Variants in MGAT5 observed in about 807,000 individuals in gnomAD.
The protein encoded by MGAT5 is alpha-1,6-mannosylglycoprotein 6-beta-N-acetylglucosaminyltransferase A.
Under a neutral mutation model 94.3 loss-of-function variants are expected in MGAT5, and 30 were observed. That is an observed-to-expected ratio of 0.32 (90% CI 0.24 to 0.43). The LOEUF (loss-of-function observed/expected upper bound fraction) is 0.43, where lower values mean the gene tolerates loss of function less well. Among genes scored for constraint, MGAT5 ranks in the 20% least tolerant of loss-of-function variants. MGAT5 has a pLI of 1.00. For synonymous variants in MGAT5, 310 were observed against 322.9 expected, an observed-to-expected ratio of 0.96 and a Z score of 0.43; for missense variants, 691 against 905.5, an observed-to-expected ratio of 0.76 and a Z score of 3.04.
intron 1 of MGAT5, among the ~76,000 whole-genome samples, chr2:134,260,811 G>GA (rs1378983812): frequency 6.6e-6 from 1 of 151,536 alleles, no homozygotes; most frequent in Non-Finnish European, 1.5e-5. Context: ...TTCTTGAAGT[G>GA]AAAATGGTAG....
chr2:134,146,574 A>G (rs1441199508), intron 1 of MGAT5, among the ~76,000 whole-genome samples: 1 of 152,012 alleles, frequency 6.6e-6, no homozygotes, highest in Non-Finnish European at 1.5e-5. Flanking sequence ...AAAAAAATTG[A>G]TTAGGCTCAT....
chr2:134,341,434 CT>C (rs992730682), intron 6 of MGAT5, among the ~76,000 whole-genome samples, 155 bp from the exon 7 acceptor site: 3 of 152,146 alleles, frequency 2.0e-5, no homozygotes, highest in African/African-American at 7.2e-5. Flanking sequence ...AAATGATTTC[CT>C]TCCTTTGTAC....
intron 4 of MGAT5, among the ~76,000 whole-genome samples, chr2:134,322,705 G>A (rs1324851345): frequency 6.6e-6 from 1 of 152,100 alleles, no homozygotes; most frequent in East Asian, 1.9e-4. Context: ...CACTTGTGTG[G>A]TTTTATTCTT....
intron 2 of MGAT5, among the ~76,000 whole-genome samples, chr2:134,306,707 G>A (rs1377003365): frequency 6.6e-6 from 1 of 152,114 alleles, no homozygotes; most frequent in African/African-American, 2.4e-5. Flanking sequence ...TGACTCAGAT[G>A]TTAGAAGGCT....
chr2:134,433,552 A>G (rs1326021626), intron 14 of MGAT5, among the ~76,000 whole-genome samples: 2 of 152,144 alleles, frequency 1.3e-5, no homozygotes, highest in African/African-American at 4.8e-5. Flanking sequence ...TCTTTTGTGG[A>G]AACAAAAATT....
At chr2:134,294,094 A>C (rs1573725348) in intron 2 of MGAT5, among the ~76,000 whole-genome samples, 1 of 152,178 alleles carries the variant, frequency 6.6e-6, no homozygotes, top group Non-Finnish European at 1.5e-5. Flanking sequence ...TACAGCCTCA[A>C]ATCTTTTGCC....
chr2:134,244,774 G>GT (rs1682149246), intron 1 of MGAT5, among the ~76,000 whole-genome samples: 3 of 152,136 alleles, frequency 2.0e-5, no homozygotes, highest in Admixed American at 2.0e-4. Flanking sequence ...AGTTTTGGCA[G>GT]TGTTGAGAGA....
chr2:134,427,557 A>T (rs543999961), intron 13 of MGAT5, among the ~76,000 whole-genome samples: 2 of 152,272 alleles, frequency 1.3e-5, no homozygotes, highest in East Asian at 3.9e-4. Flanking sequence ...AAATTCAGTG[A>T]ATTTTCCACC....
At chr2:134,264,418 G>A (rs1464365465) in intron 1 of MGAT5, among the ~76,000 whole-genome samples, 2 of 152,216 alleles carry the variant, frequency 1.3e-5, no homozygotes, top group African/African-American at 4.8e-5. Context: ...GCTAGTGGCT[G>A]TAAACAGAGA....
At position 134,164,585 on chromosome 2, in the gene MGAT5, C is replaced by G. The variant is rs775611443; in HGVS notation, c.-143+44294C>G. 3.9e-5 allele frequency among the ~76,000 whole-genome samples: 6 copies of G among 152,084 alleles called. 1 individual carries two copies. The highest frequency in any genetic ancestry group is 5.9e-5 in the Non-Finnish European group (4 of 68,020). On this transcript the variant is annotated intron_variant, in intron 1 of 16. Coordinates refer to the MGAT5 transcript ENST00000409645. ...GGTTATTCCTGAATGCAAGGGCTTA[C>G]TATGATTTTCTCTTAGTGCCTCTCA...
At chr2:134,297,433 A>G (rs1325244771) in intron 2 of MGAT5, among the ~76,000 whole-genome samples, 2 of 152,172 alleles carry the variant, frequency 1.3e-5, no homozygotes, top group Non-Finnish European at 2.9e-5. Flanking sequence ...AAGCTAGACA[A>G]AGACATCACA....
At chr2:134,215,552 A>G (rs958317252) in intron 1 of MGAT5, among the ~76,000 whole-genome samples, 6 of 152,212 alleles carry the variant, frequency 3.9e-5, no homozygotes, top group Non-Finnish European at 7.3e-5. Context: ...CCTGCTCTCA[A>G]GGAAGCTTAT....
chr2:134,411,309 C>T (rs955116790), intron 11 of MGAT5, among the ~76,000 whole-genome samples: 1 of 152,130 alleles, frequency 6.6e-6, no homozygotes, highest in Non-Finnish European at 1.5e-5. Context: ...TTCCTCACCA[C>T]CATCACCCCC....
At chr2:134,163,034 T>A (rs533290842) in intron 1 of MGAT5, among the ~76,000 whole-genome samples, 49 of 152,318 alleles carry the variant, frequency 3.2e-4, no homozygotes, top group African/African-American at 1.0e-3. Context: ...TCTGAAATAC[T>A]CTTCAGAGAC....
intron 1 of MGAT5, among the ~76,000 whole-genome samples, chr2:134,207,779 C>A (rs1011797694): frequency 6.6e-6 from 1 of 152,114 alleles, no homozygotes; most frequent in Non-Finnish European, 1.5e-5. Flanking sequence ...TGCCATCTAC[C>A]GCCCCCTGCC....
intron 1 of MGAT5, among the ~76,000 whole-genome samples, chr2:134,207,940 T>C (rs767821165): frequency 6.6e-6 from 1 of 152,232 alleles, no homozygotes; most frequent in Non-Finnish European, 1.5e-5. Context: ...GCTTCTCAGC[T>C]GGCCAGTGGT....
intron 2 of MGAT5, among the ~76,000 whole-genome samples, chr2:134,306,476 C>T (rs573350923): frequency 1.2e-4 from 18 of 152,148 alleles, no homozygotes; most frequent in African/African-American, 3.1e-4. Context: ...TAATTAGGGA[C>T]GGACAAGACA....
Position 134,254,248 on chromosome 2 carries a change from C to T in MGAT5, c.-156C>T. On this transcript the variant is annotated 5_prime_UTR_variant, in exon 1 of 16. Coordinates refer to ENST00000281923, the MANE Select transcript of MGAT5 (RefSeq NM_002410.5). ...TGCCATGACCACTTGGCTAATTCTT[C>T]TCCTCCTTCACAGCAGAATGGAAGT... 1 of 843,918 alleles carries T rather than the reference C, an allele frequency of 1.2e-6. No individual in the cohort carries two copies. Among genetic ancestry groups the T allele is most frequent in the Non-Finnish European group, 1.8e-6 (1 of 551,812 alleles). 52.3% of individuals were successfully genotyped at this position (843,918 alleles called of 1,614,324 possible).
At position 134,452,564 on chromosome 2, in the gene MGAT5, G is replaced by C. The variant is rs2290482; in HGVS notation, c.*3717G>C. The C allele has an allele frequency of 6.6e-6, 1 of 152,182 alleles. No individual in the cohort carries two copies. Among genetic ancestry groups the C allele is most frequent in the Admixed American group, 6.5e-5 (1 of 15,284 alleles). The allele number at this position is 152,182 out of a possible 1,614,324, so 9.4% of individuals were successfully genotyped here. A position where few individuals can be genotyped will look rare whatever the true frequency, so the allele number is the denominator to read the frequency against. Reference sequence around the variant, plus strand: ...TGTGTTGGACTGAAACTGTATGTCTGTAGGTAGGTGTGTGCCTTTTAGGGC... The same window carrying C: ...TGTGTTGGACTGAAACTGTATGTCTCTAGGTAGGTGTGTGCCTTTTAGGGC... On this transcript the variant is annotated 3_prime_UTR_variant, in exon 16 of 16. Coordinates refer to ENST00000281923, the MANE Select transcript of MGAT5 (RefSeq NM_002410.5).
Sources: allele counts gnomAD v4.1 joint callset (sites outside exome capture counted in the v4.1 genomes callset), GRCh38; gene constraint gnomAD v4.1.1; transcripts MANE v1.5; gene names NCBI Gene and HGNC (gene_info 2026-07-23, HGNC 2026-07-21).